KAZN: variants seen among roughly 807,000 people sequenced by gnomAD.
The protein encoded by KAZN is kazrin.
A neutral mutation model predicts 87.4 loss-of-function variants in KAZN; 40 were observed. The ratio of observed to expected loss-of-function variants is 0.46; its 90% confidence interval spans 0.36 to 0.60. The LOEUF (loss-of-function observed/expected upper bound fraction) is 0.60. KAZN is among the 20% of genes least tolerant of loss of function. The pLI, the probability that KAZN is intolerant of heterozygous loss-of-function variation, is 0.00. For missense variants in KAZN, 898 were observed against 1,073.9 expected, an observed-to-expected ratio of 0.84 and a Z score of 2.29; for synonymous variants, 466 against 458.3, an observed-to-expected ratio of 1.02 and a Z score of -0.22.
intron 1 of KAZN, among the ~76,000 whole-genome samples, chr1:14,733,398 C>T (rs894946890): frequency 2.6e-5 from 4 of 152,130 alleles, no homozygotes; most frequent in Admixed American, 1.3e-4. Flanking sequence ...TTGCCCCACC[C>T]GCCGTGCAAT....
chr1:13,992,382 C>T (rs34693217), intron 1 of KAZN, among the ~76,000 whole-genome samples: 21,624 of 152,092 alleles, frequency 0.14, 1,653 homozygotes, highest in Middle Eastern at 0.2. Context: ...AAGTTGGGAA[C>T]CTCCAGATTC....
chr1:14,400,751 C>T (rs2101131330), intron 2 of KAZN, among the ~76,000 whole-genome samples: 1 of 152,330 alleles, frequency 6.6e-6, no homozygotes, highest in African/African-American at 2.4e-5. Context: ...CTGCATTGCC[C>T]ATCACTTGGG....
intron 2 of KAZN, among the ~76,000 whole-genome samples, chr1:14,220,235 C>T (rs1002484376): frequency 2.0e-5 from 3 of 152,164 alleles, no homozygotes; most frequent in African/African-American, 7.2e-5. Context: ...GTATTTCTGA[C>T]TCTCTGCTCA....
intron 6 of KAZN, chr1:15,060,634 G>A (rs1638714623): frequency 3.2e-6 from 1 of 316,436 alleles, no homozygotes; most frequent in African/African-American, 2.1e-5. Context: ...ACCTTCCAGA[G>A]CTCAGGGCCT....
intron 1 of KAZN, among the ~76,000 whole-genome samples, chr1:14,932,322 T>C (rs1172987597): frequency 6.6e-6 from 1 of 150,606 alleles, no homozygotes; most frequent in Non-Finnish European, 1.5e-5. Flanking sequence ...GACATCCAGC[T>C]GGGTGCTTGT....
chr1:14,695,508 A>ATTTTTTTTTTTTTTTTTTTTTTTTT (rs1230082930), intron 1 of KAZN, among the ~76,000 whole-genome samples: 3 of 67,782 alleles, frequency 4.4e-5, no homozygotes, highest in African/African-American at 1.1e-4. Flanking sequence ...ACTACATTCC[A>ATTTTTTTTTTTTTTTTTTTTTTTTT]TCTTTTTTTT....
intron 2 of KAZN, among the ~76,000 whole-genome samples, chr1:14,267,595 C>A (rs955632778): frequency 6.6e-6 from 1 of 152,014 alleles, no homozygotes. Context: ...GTCCAGGAAC[C>A]AATCCCCCAT....
chr1:14,827,319 C>T (rs928084166), intron 1 of KAZN, among the ~76,000 whole-genome samples: 3 of 152,066 alleles, frequency 2.0e-5, no homozygotes, highest in Non-Finnish European at 4.4e-5. Flanking sequence ...TGAGTACGTT[C>T]TTTAGTGGTG....
Position 14,395,766 on chromosome 1 carries a change from C to T in KAZN, c.250-203217C>T, listed in dbSNP as rs72869099. 6.6e-3 allele frequency among the ~76,000 whole-genome samples: 1,001 copies of T among 152,190 alleles called. 9 individuals are homozygous for T. The highest frequency in any genetic ancestry group is 0.022 in the African/African-American group (929 of 41,502). On this transcript the variant is annotated intron_variant, in intron 2 of 16. Transcript: ENST00000636203. ...ACAAGACTCGCGCTGAGTTAGAAGA[C>T]GGATACTAGTGAAGACATTTAACGT...
At chr1:14,412,027 G>A (rs1027821685) in intron 2 of KAZN, among the ~76,000 whole-genome samples, 1 of 152,114 alleles carries the variant, frequency 6.6e-6, no homozygotes, top group South Asian at 2.1e-4. Context: ...GCATTCTCCC[G>A]TTTCACTGGA....
At chr1:15,019,345 G>T (rs1670435074) in intron 2 of KAZN, among the ~76,000 whole-genome samples, 2 of 152,168 alleles carry the variant, frequency 1.3e-5, no homozygotes, top group Non-Finnish European at 2.9e-5. Flanking sequence ...CCTCTTACCA[G>T]CTGGGTCAGT....
At chr1:14,830,122 G>C (rs900478451) in intron 1 of KAZN, among the ~76,000 whole-genome samples, 1 of 152,234 alleles carries the variant, frequency 6.6e-6, no homozygotes, top group African/African-American at 2.4e-5. Context: ...AAGGTAGCTG[G>C]CTTCAGGCAC....
At chr1:14,881,559 A>G (rs2101101130) in intron 1 of KAZN, among the ~76,000 whole-genome samples, 1 of 152,274 alleles carries the variant, frequency 6.6e-6, no homozygotes, top group Non-Finnish European at 1.5e-5. Context: ...TGTGCTAGGC[A>G]CTGTCCTCAG....
chr1:14,379,674 A>C (rs1049514666), intron 2 of KAZN, among the ~76,000 whole-genome samples: 2 of 151,926 alleles, frequency 1.3e-5, no homozygotes, highest in African/African-American at 4.8e-5. Context: ...AAAGGGGAGG[A>C]AAGAATGGGA....
At chr1:14,470,716 C>A (rs1261979803) in intron 2 of KAZN, among the ~76,000 whole-genome samples, 1 of 152,160 alleles carries the variant, frequency 6.6e-6, no homozygotes, top group African/African-American at 2.4e-5. Flanking sequence ...GTGGGCAAGC[C>A]ATTTTCAGTT....
intron 1 of KAZN, among the ~76,000 whole-genome samples, chr1:14,019,355 G>A (rs909588312): frequency 6.6e-6 from 1 of 152,146 alleles, no homozygotes; most frequent in African/African-American, 2.4e-5. Flanking sequence ...TGAGGAAAAG[G>A]CCATTCTTGG....
At chr1:14,529,102 G>A (rs4661501) in intron 2 of KAZN, among the ~76,000 whole-genome samples, 65,694 of 151,868 alleles carry the variant, frequency 0.43, 14,780 homozygotes, top group Middle Eastern at 0.55. Flanking sequence ...TCAGGAGTTC[G>A]AGACCAGCAT....
intron 2 of KAZN, among the ~76,000 whole-genome samples, chr1:14,484,705 G>A (rs751443371): frequency 3.9e-5 from 6 of 152,182 alleles, no homozygotes; most frequent in Non-Finnish European, 5.9e-5. Flanking sequence ...ACATGGCTGC[G>A]GTCAGCTGCA....
rs1027658116 is a variant in KAZN, at chr1:15,047,478, C to T, written c.726+3319C>T. On this transcript the variant is annotated intron_variant, in intron 4 of 14. Transcript: ENST00000376030. ...CGCAGCTTAGCAATGGCAGAAGCCA[C>T]GGCAGCTGCAGGCCGGGCGTGGTGT... Among the ~76,000 whole-genome samples, 5 of 152,266 alleles carry T rather than the reference C, an allele frequency of 3.3e-5. No homozygotes were observed. In the South Asian group the frequency reaches 6.2e-4, roughly 19 times the overall value.
Sources: allele counts gnomAD v4.1 joint callset (sites outside exome capture counted in the v4.1 genomes callset), GRCh38; gene constraint gnomAD v4.1.1; transcripts MANE v1.5; gene names NCBI Gene and HGNC (gene_info 2026-07-23, HGNC 2026-07-21).